Variants in SPATA1 observed in about 807,000 individuals in gnomAD.
SPATA1 encodes spermatogenesis associated 1.
A neutral mutation model predicts 59.6 loss-of-function variants in SPATA1; 57 were observed. The ratio of observed to expected loss-of-function variants is 0.96; its 90% CI spans 0.77 to 1.19. SPATA1 has a LOEUF of 1.19. Among genes scored for constraint, SPATA1 ranks in the 50% most tolerant of loss-of-function variants. SPATA1 has a pLI of 0.00. For missense variants in SPATA1, 448 were observed against 480.7 expected (o/e 0.93, Z 0.64); for synonymous variants, 147 against 163.9 (o/e 0.90, Z 0.79).
At chr1:84,537,533 T>C (rs965903610) in intron 8 of SPATA1, among the ~76,000 whole-genome samples, 1 of 152,218 alleles carries the variant, frequency 6.6e-6, no homozygotes, top group Non-Finnish European at 1.5e-5. Context: ...CCAGAACTTA[T>C]TGAGTGAAGG....
rs1192937913 is a variant in SPATA1, at chr1:84,522,416, C to T, written c.170C>T (p.Ala57Val). 5 of 1,502,552 alleles carry T rather than the reference C, an allele frequency of 3.3e-6. No homozygotes were observed. In the South Asian group the frequency reaches 5.6e-5, roughly 17 times the overall value. The allele number at this position is 1,502,552 out of a possible 1,614,324, so 93.1% of individuals were successfully genotyped here. ...GTATCTCCTCAACTTACTTTACGAG[C>T]CCTGAGGGAGCGTCTTGGTGAGTTC... The change falls in exon 4 of 13, where the codon GCC (alanine) becomes GTC (valine). Residue 57 changes from alanine (A) to valine (V), a missense_variant. Physicochemically the swap from Ala to Val is moderately conservative, Grantham distance 64. Transcript: ENST00000490879.
intron 10 of SPATA1, among the ~76,000 whole-genome samples, chr1:84,547,164 G>C (rs926986494): frequency 4.6e-5 from 7 of 152,300 alleles, no homozygotes; most frequent in African/African-American, 1.7e-4. Flanking sequence ...CAGCCTTGTT[G>C]TAATGTTAAA....
chr1:84,532,508 T>A (rs971423988), intron 6 of SPATA1, among the ~76,000 whole-genome samples: 5 of 151,606 alleles, frequency 3.3e-5, no homozygotes, highest in South Asian at 2.1e-4. Flanking sequence ...AAAAAAAAAA[T>A]TATATTTCAG....
At chr1:84,537,198 G>A (rs558933801) in intron 8 of SPATA1, among the ~76,000 whole-genome samples, 1 of 152,206 alleles carries the variant, frequency 6.6e-6, no homozygotes, top group African/African-American at 2.4e-5. Context: ...CTTTAGAGAT[G>A]ACAGTATCCC....
At chr1:84,563,707 A>G (rs915651623) in intron 4 of SPATA1, 5 of 1,362,710 alleles carry the variant, frequency 3.7e-6, no homozygotes, top group Non-Finnish European at 5.0e-6. Flanking sequence ...TAGATAATAA[A>G]AATTATGTAA....
downstream of SPATA1, among the ~76,000 whole-genome samples, chr1:84,566,649 G>C (rs913431332): frequency 2.0e-5 from 3 of 151,948 alleles, no homozygotes; most frequent in Non-Finnish European, 4.4e-5. Flanking sequence ...TCTTTTTTGG[G>C]GGGGATGGAG....
intron 1 of SPATA1, among the ~76,000 whole-genome samples, chr1:84,508,159 A>C (rs573273322): frequency 6.6e-6 from 1 of 152,114 alleles, no homozygotes; most frequent in East Asian, 1.9e-4. Flanking sequence ...CGCGCCACCC[A>C]GGAGTCCCAG....
At chr1:84,522,020 C>G (rs902260570) in intron 3 of SPATA1, among the ~76,000 whole-genome samples, 4 of 152,056 alleles carry the variant, frequency 2.6e-5, no homozygotes, top group Admixed American at 2.6e-4. Context: ...GCCAAACTTC[C>G]AAAATAAATA....
intron 7 of SPATA1, 97 bp from the exon 8 acceptor site, chr1:84,533,612 G>A (rs1570428248): frequency 3.1e-6 from 3 of 967,366 alleles, no homozygotes; most frequent in Non-Finnish European, 4.7e-6. Context: ...TTCAATATTT[G>A]TGTTTACAGA....
chr1:84,535,559 T>C (rs932998450), intron 8 of SPATA1, among the ~76,000 whole-genome samples: 1 of 152,144 alleles, frequency 6.6e-6, no homozygotes, highest in African/African-American at 2.4e-5. Context: ...TAATATTACA[T>C]TTATTTTTAG....
intron 1 of SPATA1, among the ~76,000 whole-genome samples, chr1:84,513,309 A>AT (rs1196409108): frequency 1.3e-5 from 2 of 152,036 alleles, no homozygotes; most frequent in Non-Finnish European, 2.9e-5. Context: ...CTAATTTTGT[A>AT]TTTTTAGTAG....
exon 5 of SPATA1, chr1:84,565,964 A>T: frequency 1.9e-6 from 3 of 1,594,560 alleles, no homozygotes; most frequent in Non-Finnish European, 2.6e-6. Flanking sequence ...GTATAATTAT[A>T]GCATCTTCTG....
intron 1 of SPATA1, among the ~76,000 whole-genome samples, chr1:84,512,695 T>C (rs1682623955): frequency 6.6e-6 from 1 of 152,204 alleles, no homozygotes; most frequent in South Asian, 2.1e-4. Flanking sequence ...GGCAGATAGG[T>C]GATACATCTA....
At chr1:84,544,005 G>A (rs1048753038) in intron 8 of SPATA1, among the ~76,000 whole-genome samples, 197 bp from the exon 9 acceptor site, 1 of 152,264 alleles carries the variant, frequency 6.6e-6, no homozygotes, top group African/African-American at 2.4e-5. Context: ...TGAAGTACTT[G>A]TTTATAATGT....
At chr1:84,527,601 CTT>C (rs1222059805) in intron 6 of SPATA1, 3 of 151,840 alleles carry the variant, frequency 2.0e-5, no homozygotes, top group Non-Finnish European at 4.4e-5. Flanking sequence ...CTTAAAGCCT[CTT>C]ATATTAAAAT....
chr1:84,542,750 T>C (rs1018970116), intron 8 of SPATA1, among the ~76,000 whole-genome samples: 1 of 152,158 alleles, frequency 6.6e-6, no homozygotes, highest in Non-Finnish European at 1.5e-5. Context: ...CTTCTTTTTA[T>C]GGTAGTTTGG....
chr1:84,508,082 C>T (rs1384376143), intron 1 of SPATA1, among the ~76,000 whole-genome samples: 2 of 152,056 alleles, frequency 1.3e-5, no homozygotes, highest in Non-Finnish European at 2.9e-5. Context: ...GAGATCGAGA[C>T]CATCCTGGCC....
intron 6 of SPATA1, among the ~76,000 whole-genome samples, chr1:84,529,858 C>CTTA (rs1331636628): frequency 2.6e-5 from 3 of 117,528 alleles, no homozygotes. Flanking sequence ...AGCCTAAACT[C>CTTA]TTTTTTTTTT....
chr1:84,511,657 T>C lies in SPATA1; in HGVS notation c.-137-4566T>C, dbSNP rs1236087052. ...GGAGTGCCCTCAGGCATTTCAGGCT[T>C]TTTTTTTTTTTTTCTTTCTTTCTTT... On this transcript the variant is annotated intron_variant, in intron 1 of 12. Coordinates refer to ENST00000490879, the Ensembl canonical transcript of SPATA1. Among the ~76,000 whole-genome samples, 9 of 93,478 alleles carry C rather than the reference T, an allele frequency of 9.6e-5. 1 individual carries two copies. The highest frequency in any genetic ancestry group is 6.9e-4 in the African/African-American group (8 of 11,676). The allele number at this position is 93,478 out of a possible 152,430, so 61.3% of individuals were successfully genotyped here.
Sources: allele counts gnomAD v4.1 joint callset (sites outside exome capture counted in the v4.1 genomes callset), GRCh38; gene constraint gnomAD v4.1.1; transcripts MANE v1.5; gene names NCBI Gene and HGNC (gene_info 2026-07-23, HGNC 2026-07-21).